COL9A1: variants seen among roughly 807,000 people sequenced by gnomAD.
COL9A1 encodes collagen alpha-1(IX) chain.
A neutral mutation model predicts 142.6 loss-of-function variants in COL9A1; 104 were observed. That is an observed-to-expected ratio of 0.73 (90% confidence interval 0.62 to 0.86). The LOEUF (loss-of-function observed/expected upper bound fraction) is 0.86. COL9A1 is among the 40% of genes least tolerant of loss of function. The probability of loss-of-function intolerance (pLI) is 0.00; values close to 1 mark genes in which losing one functional copy is unlikely to be tolerated. For synonymous variants in COL9A1, 466 were observed against 396.0 expected (o/e 1.18, Z -2.10); for missense variants, 1,210 against 1,176.6 (o/e 1.03, Z -0.42).
At position 70,266,737 on chromosome 6, in the gene COL9A1, G is replaced by T. The variant is rs1772042733; in HGVS notation, c.1321C>A (p.Pro441Thr). ...CTTACCTTGTGTCCTTGTCTTCCTGGTTCACCAATTTCTCCTTTAGCCCCT... is the reference window on the plus strand; with the variant it reads ...CTTACCTTGTGTCCTTGTCTTCCTGTTTCACCAATTTCTCCTTTAGCCCCT... ...HKGAKGEIGEPGRQGHKGEEG... is the reference protein window; with the variant it reads ...HKGAKGEIGETGRQGHKGEEG... Residue 441 changes from proline (P) to threonine (T), a missense_variant, in exon 18 of 38, where the codon CCA becomes ACA. Coordinates refer to ENST00000357250, the MANE Select transcript of COL9A1 (RefSeq NM_001851.6). 2 of 1,613,086 alleles carry T rather than the reference G, an allele frequency of 1.2e-6. No homozygotes were observed. The highest frequency in any genetic ancestry group is 1.7e-6 in the Non-Finnish European group (2 of 1,179,380).
intron 17 of COL9A1, among the ~76,000 whole-genome samples, chr6:70,268,555 C>T (rs940493051): frequency 6.6e-6 from 1 of 152,168 alleles, no homozygotes; most frequent in African/African-American, 2.4e-5. Flanking sequence ...GTTCTAAAGT[C>T]TCTCAATCCA....
chr6:70,217,177 TAACA>T, intron 37 of COL9A1, 96 bp from the exon 38 acceptor site: 1 of 1,199,806 alleles, frequency 8.3e-7, no homozygotes, highest in Non-Finnish European at 1.2e-6. Context: ...ATAAGGGGTT[TAACA>T]AACGCTTTTG....
chr6:70,258,913 G>GA (rs1384762995), intron 20 of COL9A1, among the ~76,000 whole-genome samples: 5 of 151,918 alleles, frequency 3.3e-5, no homozygotes, highest in Non-Finnish European at 5.9e-5. Flanking sequence ...TTTAAATCCA[G>GA]AAAAAAATGA....
At chr6:70,230,811 G>GT (rs1304976225) in intron 36 of COL9A1, among the ~76,000 whole-genome samples, 1 of 152,202 alleles carries the variant, frequency 6.6e-6, no homozygotes, top group African/African-American at 2.4e-5. Flanking sequence ...GATATCAGTG[G>GT]TTTTAAGCTC....
At chr6:70,255,790 T>A (rs184440008) in intron 21 of COL9A1, among the ~76,000 whole-genome samples, 26 of 151,310 alleles carry the variant, frequency 1.7e-4, no homozygotes, top group Admixed American at 1.3e-3. Context: ...CCCCAGTCAA[T>A]ATTAGTAATT....
intron 1 of COL9A1, 73 bp downstream of exon 1, chr6:70,302,838 A>G: frequency 3.9e-6 from 6 of 1,546,158 alleles, no homozygotes; most frequent in Non-Finnish European, 5.4e-6. Context: ...CACTGCTGCA[A>G]AAATACAGAC....
At chr6:70,260,591 T>C in intron 20 of COL9A1, 66 bp downstream of exon 20, 1 of 1,472,488 alleles carries the variant, frequency 6.8e-7, no homozygotes, top group Non-Finnish European at 9.3e-7. Flanking sequence ...AAAGTTATGT[T>C]TAAACGGCCA....
chr6:70,239,161 T>C, intron 33 of COL9A1, 93 bp downstream of exon 33: 1 of 891,988 alleles, frequency 1.1e-6, no homozygotes, highest in South Asian at 1.5e-5. Context: ...AATTGAATGT[T>C]ACATAATGAT....
chr6:70,283,357 C>A (rs72927370), intron 6 of COL9A1: 7 of 922,184 alleles, frequency 7.6e-6, no homozygotes, highest in African/African-American at 1.7e-5. Context: ...GCTCTGCCTC[C>A]ATCCCATCCA....
intron 12 of COL9A1, among the ~76,000 whole-genome samples, chr6:70,273,770 T>A (rs534775356): frequency 6.6e-6 from 1 of 152,246 alleles, no homozygotes; most frequent in East Asian, 1.9e-4. Flanking sequence ...GGGAATTGTC[T>A]GCTGGGAAAT....
At chr6:70,280,740 C>CG in intron 10 of COL9A1, 72 bp downstream of exon 10, 2 of 1,521,614 alleles carry the variant, frequency 1.3e-6, no homozygotes, top group African/African-American at 1.4e-5. Flanking sequence ...CCTCCCCCCC[C>CG]ACAAAACACA....
intron 20 of COL9A1, among the ~76,000 whole-genome samples, chr6:70,257,726 G>A (rs933697882): frequency 6.6e-6 from 1 of 152,116 alleles, no homozygotes; most frequent in African/African-American, 2.4e-5. Flanking sequence ...CAGCATGGGC[G>A]ACAGTGTGAG....
Position 70,271,682 on chromosome 6 carries a change from A to G in COL9A1, c.1116T>C (p.Pro372=), listed in dbSNP as rs780692021. 1 of 1,613,928 alleles carries G rather than the reference A, an allele frequency of 6.2e-7. No individual in the cohort carries two copies. ...PPGPPGTAGL[P]GELGRVGPVG... Reference sequence around the variant, plus strand: ...CAGGTCCTACACGGCCAAGCTCTCCAGGGAGTCCTGCTGTCCCAGGAGGAC... The same window carrying G: ...CAGGTCCTACACGGCCAAGCTCTCCGGGGAGTCCTGCTGTCCCAGGAGGAC... Residue 372 remains proline, a synonymous_variant, in exon 14 of 38, where the codon CCT becomes CCC. Coordinates refer to ENST00000357250, the MANE Select transcript of COL9A1 (RefSeq NM_001851.6).
At chr6:70,290,518 A>C (rs764164684) in intron 5 of COL9A1, among the ~76,000 whole-genome samples, 4 of 152,160 alleles carry the variant, frequency 2.6e-5, no homozygotes, top group African/African-American at 4.8e-5. Flanking sequence ...GTGAACAGCT[A>C]TATCACAAGC....
intron 26 of COL9A1, among the ~76,000 whole-genome samples, chr6:70,252,521 T>C (rs1240507341): frequency 6.6e-6 from 1 of 152,202 alleles, no homozygotes; most frequent in East Asian, 1.9e-4. Context: ...GTCTGGGAAA[T>C]ATATTAAAGG....
chr6:70,266,754 T>G lies in COL9A1; in HGVS notation c.1304A>C (p.Lys435Thr). Residue 435 changes from lysine (K) to threonine (T), a missense_variant, in exon 18 of 38, where the codon AAA becomes ACA. Physicochemically the swap from Lys to Thr is moderately conservative, Grantham distance 78 (BLOSUM62 -1). Coordinates refer to ENST00000357250, the MANE Select transcript of COL9A1 (RefSeq NM_001851.6). ...TCTTCCTGGTTCACCAATTTCTCCT[T>G]TAGCCCCTTTATGACCCTAACAAAT... ...LPGMRGHKGA[K>T]GEIGEPGRQG... 6.2e-7 allele frequency: 1 copy of G among 1,613,510 alleles called. No homozygotes were observed. The highest frequency in any genetic ancestry group is 8.5e-7 in the Non-Finnish European group (1 of 1,179,526).
chr6:70,280,466 G>C, intron 10 of COL9A1: 2 of 1,274,730 alleles, frequency 1.6e-6, no homozygotes. Context: ...GCCGAAGCCA[G>C]TACAATCTAT....
In COL9A1 at chr6:70,254,485, C is replaced by T. The variant is rs1771140903; in HGVS notation, c.1710G>A (p.Gln570=). 6 of 1,614,108 alleles carry T rather than the reference C, an allele frequency of 3.7e-6. No homozygotes were observed. The highest frequency in any genetic ancestry group is 1.3e-5 in the African/African-American group (1 of 75,040). The stretch of plus-strand genomic sequence containing the variant: ...AGAATCAAATACTTACTGGTAACCC[C>T]TGCAATCCTGCATCACCAGGAGGCC... ...KPGPPGDAGL[Q]GLPGVPGIPG... is the part of the protein sequence containing the mutation. The change falls in exon 25 of 38, where the codon CAG becomes CAA. Residue 570 remains glutamine (Q), a synonymous_variant. Transcript: ENST00000357250.
chr6:70,237,207 G>A (rs1437858302), intron 33 of COL9A1, among the ~76,000 whole-genome samples: 7 of 152,156 alleles, frequency 4.6e-5, no homozygotes, highest in Admixed American at 2.0e-4. Flanking sequence ...AGGAGACCAC[G>A]ACAGAGTGTA....
Sources: allele counts gnomAD v4.1 joint callset (sites outside exome capture counted in the v4.1 genomes callset), GRCh38; gene constraint gnomAD v4.1.1; transcripts MANE v1.5; gene names NCBI Gene and HGNC (gene_info 2026-07-23, HGNC 2026-07-21).